KCNMB2: variants seen among roughly 807,000 people sequenced by gnomAD.
KCNMB2 encodes calcium-activated potassium channel subunit beta-2.
In KCNMB2, 9 loss-of-function variants were observed where a neutral mutation model predicts 24.5. The observed-to-expected ratio is 0.37, with a 90% CI of 0.22 to 0.64. The LOEUF (loss-of-function observed/expected upper bound fraction) is 0.64. Among genes scored for constraint, KCNMB2 ranks in the 30% least tolerant of loss-of-function variants. The pLI is 0.63. For synonymous variants in KCNMB2, 109 were observed against 104.4 expected, an observed-to-expected ratio of 1.04 and a Z score of -0.27; for missense variants, 226 against 284.3, an observed-to-expected ratio of 0.79 and a Z score of 1.47.
chr3:178,587,708 A>C (rs1195279910), intron 1 of KCNMB2, among the ~76,000 whole-genome samples: 1 of 150,224 alleles, frequency 6.7e-6, no homozygotes, highest in African/African-American at 2.5e-5. Flanking sequence ...GGCCTCCCAA[A>C]GTGCTGGGAT....
chr3:178,786,659 G>A (rs1028433296), intron 1 of KCNMB2, among the ~76,000 whole-genome samples: 1 of 151,928 alleles, frequency 6.6e-6, no homozygotes, highest in Non-Finnish European at 1.5e-5. Flanking sequence ...AATGGGTGCA[G>A]CACACCAACA....
At chr3:178,576,324 T>C (rs1207188667) in intron 1 of KCNMB2, among the ~76,000 whole-genome samples, 1 of 152,092 alleles carries the variant, frequency 6.6e-6, no homozygotes, top group Admixed American at 6.5e-5. Flanking sequence ...ATACTGCTCT[T>C]TTCCCATGGT....
intron 4 of KCNMB2, among the ~76,000 whole-genome samples, chr3:178,838,227 G>T (rs777189061): frequency 2.0e-5 from 3 of 152,132 alleles, no homozygotes; most frequent in Non-Finnish European, 2.9e-5. Context: ...ACACCCTTTT[G>T]ATCCAGAGGC....
intron 1 of KCNMB2, among the ~76,000 whole-genome samples, chr3:178,803,794 C>T (rs1713862618): frequency 6.6e-6 from 1 of 152,002 alleles, no homozygotes; most frequent in Non-Finnish European, 1.5e-5. Flanking sequence ...AACTCATTCA[C>T]CATGAAGGCA....
At chr3:178,767,611 G>T (rs1560013318) in intron 1 of KCNMB2, among the ~76,000 whole-genome samples, 1 of 152,196 alleles carries the variant, frequency 6.6e-6, no homozygotes, top group Non-Finnish European at 1.5e-5. Context: ...AATTATGAGT[G>T]TAAAATGCTC....
At chr3:178,832,512 A>G (rs1160306678) in intron 4 of KCNMB2, among the ~76,000 whole-genome samples, 1 of 80,702 alleles carries the variant, frequency 1.2e-5, no homozygotes, top group Non-Finnish European at 2.3e-5. Context: ...TCTCATCAAC[A>G]TTGTCTGTAG....
intron 1 of KCNMB2, among the ~76,000 whole-genome samples, chr3:178,780,119 T>C (rs1712768196): frequency 6.6e-6 from 1 of 151,968 alleles, no homozygotes; most frequent in African/African-American, 2.4e-5. Context: ...TTTCTATTCA[T>C]TTCAGCTGTT....
At chr3:178,654,790 T>C (rs772190340) in intron 1 of KCNMB2, among the ~76,000 whole-genome samples, 10 of 152,168 alleles carry the variant, frequency 6.6e-5, no homozygotes, top group Non-Finnish European at 1.5e-5. Context: ...TGGAGCTGTA[T>C]TGTTCTTATT....
intron 1 of KCNMB2, among the ~76,000 whole-genome samples, chr3:178,539,550 C>A (rs1715544793): frequency 6.6e-6 from 1 of 152,130 alleles, no homozygotes; most frequent in African/African-American, 2.4e-5. Flanking sequence ...GTCTTCACCT[C>A]AAATTCCAAA....
chr3:178,838,647 T>C (rs532674375), intron 4 of KCNMB2, among the ~76,000 whole-genome samples: 18 of 152,150 alleles, frequency 1.2e-4, no homozygotes, highest in African/African-American at 4.3e-4. Flanking sequence ...TATATTTCAT[T>C]AGCCAAAACT....
At chr3:178,698,035 C>T (rs1721945998) in intron 1 of KCNMB2, among the ~76,000 whole-genome samples, 1 of 152,024 alleles carries the variant, frequency 6.6e-6, no homozygotes, top group South Asian at 2.1e-4. Flanking sequence ...CCTTTAACAT[C>T]TTTTCTTTCA....
At chr3:178,694,845 C>T (rs907377923) in intron 1 of KCNMB2, among the ~76,000 whole-genome samples, 15 of 152,106 alleles carry the variant, frequency 9.9e-5, no homozygotes, top group Admixed American at 9.2e-4. Flanking sequence ...TCCAGGTGTA[C>T]GGTGCAAGCT....
At chr3:178,656,805 A>G (rs1720360169) in intron 1 of KCNMB2, among the ~76,000 whole-genome samples, 2 of 152,080 alleles carry the variant, frequency 1.3e-5, no homozygotes, top group Admixed American at 6.6e-5. Flanking sequence ...TGCTGTACTC[A>G]TTTTGACCTA....
chr3:178,685,574 A>T (rs1305289133), intron 1 of KCNMB2, among the ~76,000 whole-genome samples: 2 of 152,240 alleles, frequency 1.3e-5, no homozygotes, highest in Non-Finnish European at 2.9e-5. Context: ...TTTTATATTT[A>T]GGAATTGATA....
intron 1 of KCNMB2, among the ~76,000 whole-genome samples, chr3:178,620,469 A>C (rs1233368736): frequency 6.6e-6 from 1 of 152,204 alleles, no homozygotes; most frequent in East Asian, 1.9e-4. Flanking sequence ...CTTGAGGCTG[A>C]GAAGTCCAAG....
chr3:178,794,005 G>T (rs766101629), intron 1 of KCNMB2, among the ~76,000 whole-genome samples: 6 of 152,162 alleles, frequency 3.9e-5, no homozygotes, highest in Non-Finnish European at 8.8e-5. Flanking sequence ...TGAGTGGATG[G>T]ACATCAACAC....
At chr3:178,783,777 C>T (rs1189007582) in intron 1 of KCNMB2, among the ~76,000 whole-genome samples, 5 of 152,054 alleles carry the variant, frequency 3.3e-5, no homozygotes, top group Non-Finnish European at 5.9e-5. Flanking sequence ...AATTGAATAC[C>T]CTTTATTTCC....
chr3:178,584,748 T>C (rs572112592), intron 1 of KCNMB2, among the ~76,000 whole-genome samples: 1 of 152,226 alleles, frequency 6.6e-6, no homozygotes, highest in African/African-American at 2.4e-5. Flanking sequence ...TCATCCCTAT[T>C]TCTTTATTTT....
At chr3:178,589,425 C>T (rs957770500) in intron 1 of KCNMB2, among the ~76,000 whole-genome samples, 4 of 152,128 alleles carry the variant, frequency 2.6e-5, no homozygotes, top group African/African-American at 9.7e-5. Context: ...CAGGGACTCA[C>T]ACCATGGTTT....
Sources: allele counts gnomAD v4.1 joint callset (sites outside exome capture counted in the v4.1 genomes callset), GRCh38; gene constraint gnomAD v4.1.1; transcripts MANE v1.5; gene names NCBI Gene and HGNC (gene_info 2026-07-23, HGNC 2026-07-21).